DGKB: variants seen among roughly 807,000 people sequenced by gnomAD.
DGKB encodes the protein 90 kDa diacylglycerol kinase.
In DGKB, 67 loss-of-function variants were observed where a neutral mutation model predicts 114.3. That is an observed-to-expected ratio of 0.59 (90% CI 0.48 to 0.72). The LOEUF is 0.72. Among genes scored for constraint, DGKB ranks in the 30% least tolerant of loss-of-function variants. The pLI, the probability that DGKB is intolerant of heterozygous loss-of-function variation, is 0.00. For synonymous variants in DGKB, 398 were observed against 323.1 expected (o/e 1.23, Z -2.49); for missense variants, 907 against 975.2 (o/e 0.93, Z 0.93).
chr7:14,680,678 G>T (rs191264754), intron 12 of DGKB, among the ~76,000 whole-genome samples: 6 of 152,122 alleles, frequency 3.9e-5, no homozygotes, highest in Admixed American at 6.6e-5. Flanking sequence ...GAGACCACTA[G>T]CAATGGTAAC....
intron 21 of DGKB, among the ~76,000 whole-genome samples, chr7:14,450,842 C>G (rs986110936): frequency 1.3e-5 from 2 of 151,972 alleles, no homozygotes; most frequent in Non-Finnish European, 1.5e-5. Flanking sequence ...TGACAAGACT[C>G]TTGAACAATG....
intron 20 of DGKB, among the ~76,000 whole-genome samples, chr7:14,558,250 A>T (rs1189505793): frequency 6.6e-6 from 1 of 151,444 alleles, no homozygotes; most frequent in Non-Finnish European, 1.5e-5. Flanking sequence ...ATTTTCTCTT[A>T]GTTTATATTA....
At chr7:14,497,651 G>A (rs79054955) in intron 20 of DGKB, among the ~76,000 whole-genome samples, 1,662 of 151,984 alleles carry the variant, frequency 0.011, 34 homozygotes, top group East Asian at 0.09. Context: ...ACAAGAATTC[G>A]AACTTTGCTG....
chr7:14,379,767 C>T (rs1819102056), intron 21 of DGKB, among the ~76,000 whole-genome samples: 1 of 152,134 alleles, frequency 6.6e-6, no homozygotes, highest in South Asian at 2.1e-4. Context: ...ACCGTGTTAG[C>T]GAGGATGGTC....
intron 25 of DGKB, among the ~76,000 whole-genome samples, chr7:14,161,305 A>C (rs1314847465): frequency 6.6e-6 from 1 of 152,198 alleles, no homozygotes; most frequent in African/African-American, 2.4e-5. Flanking sequence ...CAGCAGTCCC[A>C]TTACTGGGTA....
chr7:14,862,809 A>G (rs1486442270), intron 1 of DGKB, among the ~76,000 whole-genome samples: 2 of 152,130 alleles, frequency 1.3e-5, no homozygotes, highest in Admixed American at 6.5e-5. Flanking sequence ...CAACTTTACA[A>G]CTTCATTCAA....
chr7:14,902,297 C>T (rs1040312507), intron 1 of DGKB, among the ~76,000 whole-genome samples: 4 of 152,102 alleles, frequency 2.6e-5, no homozygotes, highest in African/African-American at 9.7e-5. Context: ...TTTCAGGAGA[C>T]CACTCTTGGA....
At chr7:14,969,295 A>G (rs1787330686) in intron 1 of DGKB, among the ~76,000 whole-genome samples, 1 of 152,190 alleles carries the variant, frequency 6.6e-6, no homozygotes, top group Non-Finnish European at 1.5e-5. Context: ...GATTGCAGAT[A>G]CCCTCCAGCT....
At chr7:14,696,501 C>CAAAAAAAAAAAAAA (rs35486620) in intron 8 of DGKB, among the ~76,000 whole-genome samples, 1 of 45,074 alleles carries the variant, frequency 2.2e-5, no homozygotes, top group African/African-American at 6.1e-5. Context: ...GACTCCGTCT[C>CAAAAAAAAAAAAAA]AAAAAAAAAA....
intron 16 of DGKB, among the ~76,000 whole-genome samples, chr7:14,610,065 G>A (rs888483780): frequency 1.3e-5 from 2 of 151,940 alleles, no homozygotes; most frequent in African/African-American, 4.8e-5. Context: ...AAAGATACAT[G>A]CACTTTTATT....
At chr7:14,966,861 T>C (rs937124912) in intron 1 of DGKB, among the ~76,000 whole-genome samples, 1 of 152,140 alleles carries the variant, frequency 6.6e-6, no homozygotes, top group Non-Finnish European at 1.5e-5. Flanking sequence ...TTACATACCA[T>C]ATAAAATCTA....
At chr7:14,312,909 A>G (rs1036420895) in intron 23 of DGKB, among the ~76,000 whole-genome samples, 6 of 152,196 alleles carry the variant, frequency 3.9e-5, no homozygotes, top group Non-Finnish European at 7.4e-5. Flanking sequence ...GATTTTTGAT[A>G]TTGTATAATA....
At chr7:14,316,035 T>A (rs1266599613) in intron 23 of DGKB, among the ~76,000 whole-genome samples, 1 of 148,366 alleles carries the variant, frequency 6.7e-6, no homozygotes, top group African/African-American at 2.6e-5. Context: ...GAATGACTGT[T>A]GGGTACATAA....
At position 14,417,802 on chromosome 7, in the gene DGKB, T is replaced by C. The variant is rs796269115; in HGVS notation, c.1835+60359A>G. On this transcript the variant is annotated intron_variant, in intron 21 of 25. Coordinates refer to ENST00000402815, the MANE Select transcript of DGKB (RefSeq NM_001350709.2). ...AAGCTTTCTGCTGTAATATTTTGGA[T>C]GAGAAGGATAGTTTAAACAGCAAGG... 5.3e-5 allele frequency among the ~76,000 whole-genome samples: 8 copies of C among 151,784 alleles called. No individual in the cohort carries two copies. The South Asian group carries it at 1.7e-3, about 31-fold the overall frequency.
intron 23 of DGKB, among the ~76,000 whole-genome samples, chr7:14,225,810 A>G (rs1238991974): frequency 6.6e-6 from 1 of 151,984 alleles, no homozygotes; most frequent in Non-Finnish European, 1.5e-5. Flanking sequence ...TTAGTCTTTA[A>G]ATATAGTCAG....
At chr7:14,209,173 G>GAAA (rs11303119) in intron 23 of DGKB, 21 of 256,402 alleles carry the variant, frequency 8.2e-5, no homozygotes, top group South Asian at 1.8e-4. Flanking sequence ...ACTACTGATA[G>GAAA]AAAAAAAAAA....
intron 21 of DGKB, among the ~76,000 whole-genome samples, chr7:14,354,062 C>T (rs962507846): frequency 1.3e-5 from 2 of 152,166 alleles, no homozygotes; most frequent in African/African-American, 4.8e-5. Context: ...CTTCTTCCCC[C>T]ATCCCACATC....
intron 20 of DGKB, among the ~76,000 whole-genome samples, chr7:14,485,099 CACA>C (rs1563294425): frequency 3.4e-3 from 4 of 1,176 alleles, no homozygotes; most frequent in East Asian, 0.012. Flanking sequence ...ACACACACCA[CACA>C]CACACACACA....
At chr7:14,262,365 T>C (rs1562775766) in intron 23 of DGKB, among the ~76,000 whole-genome samples, 1 of 152,144 alleles carries the variant, frequency 6.6e-6, no homozygotes, top group Non-Finnish European at 1.5e-5. Flanking sequence ...ATAAAAGAGA[T>C]TAATTTTTTT....
Sources: gnomAD v4.1 joint callset for allele counts (sites outside exome capture counted in the v4.1 genomes callset) on GRCh38, gnomAD v4.1.1 for gene constraint, MANE v1.5 for transcripts, NCBI Gene and HGNC (gene_info 2026-07-23, HGNC 2026-07-21) for gene names.